The following SLC26A7 variants were observed in gnomAD, a reference collection of about 807,000 sequenced individuals.
SLC26A7 encodes anion exchange transporter.
Under a neutral mutation model 82.5 loss-of-function variants are expected in SLC26A7, and 59 were observed. The observed-to-expected ratio is 0.72, with a 90% CI of 0.58 to 0.89. SLC26A7 has a LOEUF of 0.89. Ranked by LOEUF, SLC26A7 falls within the 40% of genes least tolerant of loss-of-function variation. The probability of loss-of-function intolerance (pLI) is 0.00; values close to 1 mark genes in which losing one functional copy is unlikely to be tolerated. For synonymous variants in SLC26A7, 271 were observed against 274.3 expected, an observed-to-expected ratio of 0.99 and a Z score of 0.12; for missense variants, 820 against 793.0, an observed-to-expected ratio of 1.03 and a Z score of -0.41.
chr8:91,349,740 GTTTCAGGTACA>G (rs1170508648), intron 9 of SLC26A7, among the ~76,000 whole-genome samples: 5 of 152,188 alleles, frequency 3.3e-5, no homozygotes, highest in Non-Finnish European at 7.4e-5. Flanking sequence ...TAGGGTTTTG[GTTTCAGGTACA>G]TTGTAAAGAT....
chr8:91,269,000 G>C (rs1811192624), intron 2 of SLC26A7, among the ~76,000 whole-genome samples: 1 of 150,502 alleles, frequency 6.6e-6, no homozygotes, highest in Admixed American at 6.6e-5. Context: ...CTCCCATTTT[G>C]ACTTTTTGAT....
At chr8:91,361,398 G>A (rs1360737411) in intron 11 of SLC26A7, among the ~76,000 whole-genome samples, 5 of 152,080 alleles carry the variant, frequency 3.3e-5, no homozygotes, top group African/African-American at 1.2e-4. Context: ...GTATGGAATT[G>A]AAATATGTTT....
intron 4 of SLC26A7, among the ~76,000 whole-genome samples, chr8:91,298,388 A>G (rs997536622): frequency 6.6e-6 from 1 of 152,292 alleles, no homozygotes; most frequent in Admixed American, 6.5e-5. Context: ...TATAGCATAG[A>G]ACAATAAATT....
At chr8:91,211,908 T>G (rs1809934036) in intron 1 of SLC26A7, among the ~76,000 whole-genome samples, 1 of 152,070 alleles carries the variant, frequency 6.6e-6, no homozygotes. Flanking sequence ...TTGTAATTGC[T>G]TCTATTCAGG....
chr8:91,362,374 G>T lies in SLC26A7; in HGVS notation c.1336G>T (p.Val446Leu). ...TCAGGGAATATGGGTCAGTACATAT[G>T]TATTTACAATATGCTTTGCTGCCAA... ...IDWGIWVSTY[V>L]FTICFAANVG... Residue 446 changes from valine to leucine, a missense_variant, in exon 12 of 19, where the codon GTA becomes TTA. Val to Leu is a conservative substitution (Grantham distance 32). Coordinates refer to ENST00000276609, the MANE Select transcript of SLC26A7 (RefSeq NM_052832.4). The T allele has an allele frequency of 6.2e-7, 1 of 1,612,996 alleles. No homozygotes were observed.
At chr8:91,335,681 A>G (rs1009194784) in intron 6 of SLC26A7, among the ~76,000 whole-genome samples, 1 of 152,240 alleles carries the variant, frequency 6.6e-6, no homozygotes, top group African/African-American at 2.4e-5. Context: ...TATTCTTTAT[A>G]CGTGTTATCC....
intron 15 of SLC26A7, among the ~76,000 whole-genome samples, chr8:91,387,568 T>C (rs1349023309): frequency 6.6e-6 from 1 of 152,158 alleles, no homozygotes; most frequent in Non-Finnish European, 1.5e-5. Context: ...TCATTAGTGT[T>C]TGATTAAGGC....
At chr8:91,219,647 G>A (rs552957725) in intron 2 of SLC26A7, among the ~76,000 whole-genome samples, 3 of 152,220 alleles carry the variant, frequency 2.0e-5, no homozygotes, top group Non-Finnish European at 2.9e-5. Context: ...AATATGTGGT[G>A]TGCTTTGCAC....
chr8:91,310,084 T>C (rs766466040), intron 4 of SLC26A7, among the ~76,000 whole-genome samples: 30 of 151,932 alleles, frequency 2.0e-4, no homozygotes, highest in Non-Finnish European at 3.8e-4. Flanking sequence ...TTCCTTTCCC[T>C]GGTTCTGGCT....
At chr8:91,248,717 A>G (rs1414604858), upstream of SLC26A7, among the ~76,000 whole-genome samples, 2 of 152,170 alleles carry the variant, frequency 1.3e-5, no homozygotes, top group African/African-American at 2.4e-5. Context: ...GGATACTTCA[A>G]ACAATAGTTT....
intron 2 of SLC26A7, among the ~76,000 whole-genome samples, chr8:91,277,399 CA>C (rs545848611): frequency 2.3e-3 from 350 of 152,204 alleles, no homozygotes; most frequent in African/African-American, 8.3e-3. Context: ...CTTTCAAAGT[CA>C]ATATTTTTTC....
At chr8:91,283,830 T>C (rs1811639789) in intron 2 of SLC26A7, among the ~76,000 whole-genome samples, 1 of 152,202 alleles carries the variant, frequency 6.6e-6, no homozygotes, top group African/African-American at 2.4e-5. Flanking sequence ...GGGGTGTTAG[T>C]TGGATAATAC....
chr8:91,276,452 C>T lies in SLC26A7; in HGVS notation c.194-12684C>T, dbSNP rs78809903. On this transcript the variant is annotated intron_variant, in intron 2 of 18. Transcript: ENST00000276609. ...TGAGCCTCATTTTTGTTTATAAATCCTGGATTCCATTAAATATAACTACAA... is the reference window on the plus strand; with the variant it reads ...TGAGCCTCATTTTTGTTTATAAATCTTGGATTCCATTAAATATAACTACAA... Among the ~76,000 whole-genome samples, 418 of 152,082 alleles carry T rather than the reference C, an allele frequency of 2.7e-3. 5 individuals are homozygous for T. The highest frequency in any genetic ancestry group is 9.7e-3 in the African/African-American group (402 of 41,460).
chr8:91,237,862 T>G (rs1810413715), intron 2 of SLC26A7, among the ~76,000 whole-genome samples: 1 of 152,204 alleles, frequency 6.6e-6, no homozygotes, highest in African/African-American at 2.4e-5. Context: ...GCCCTCATCT[T>G]TCTTTGTTTT....
intron 2 of SLC26A7, among the ~76,000 whole-genome samples, chr8:91,237,210 G>A (rs1295954742): frequency 6.6e-6 from 1 of 152,176 alleles, no homozygotes; most frequent in Non-Finnish European, 1.5e-5. Flanking sequence ...TCTGATAAAT[G>A]ACTTTTTTAC....
chr8:91,375,574 A>C (rs1814488448), intron 15 of SLC26A7, among the ~76,000 whole-genome samples: 1 of 151,592 alleles, frequency 6.6e-6, no homozygotes, highest in Admixed American at 6.6e-5. Flanking sequence ...TCTGGCTTGT[A>C]ATATTTTTGC....
chr8:91,308,246 G>GGTGTGTGTGT (rs35920887), intron 4 of SLC26A7, among the ~76,000 whole-genome samples: 5 of 145,652 alleles, frequency 3.4e-5, no homozygotes, highest in African/African-American at 1.3e-4. Flanking sequence ...AGGAGGAAGA[G>GGTGTGTGTGT]GTGTGTGTGT....
At position 91,265,724 on chromosome 8, in the gene SLC26A7, T is replaced by C. The variant is rs550772161; in HGVS notation, c.193+15880T>C. Reference sequence around the variant, plus strand: ...TGTTTATTTAGGCTTTTTGCTTATTTATTGATGGGATTATTTGGATTTTCT... The same window carrying C: ...TGTTTATTTAGGCTTTTTGCTTATTCATTGATGGGATTATTTGGATTTTCT... On this transcript the variant is annotated intron_variant, in intron 2 of 18. Coordinates refer to ENST00000276609, the MANE Select transcript of SLC26A7 (RefSeq NM_052832.4). 7.9e-5 allele frequency among the ~76,000 whole-genome samples: 12 copies of C among 152,088 alleles called. 1 individual carries two copies. In the South Asian group the frequency reaches 2.3e-3, roughly 29 times the overall value.
At chr8:91,253,708 C>T (rs1344044537) in intron 2 of SLC26A7, among the ~76,000 whole-genome samples, 1 of 152,078 alleles carries the variant, frequency 6.6e-6, no homozygotes, top group Non-Finnish European at 1.5e-5. Context: ...GTTTTCTTCC[C>T]TCTTACTCCC....
Sources: allele counts gnomAD v4.1 joint callset (sites outside exome capture counted in the v4.1 genomes callset), GRCh38; gene constraint gnomAD v4.1.1; transcripts MANE v1.5; gene names NCBI Gene and HGNC (gene_info 2026-07-23, HGNC 2026-07-21).